The following DHRSX variants were observed in gnomAD, a reference collection of about 807,000 sequenced individuals.
DHRSX encodes dehydrogenase/reductase X-linked, also known as polyprenol dehydrogenase.
In DHRSX, 31 loss-of-function variants were observed where a neutral mutation model predicts 34.0. The observed-to-expected ratio is 0.91, with a 90% confidence interval of 0.69 to 1.23. The LOEUF is 1.23. DHRSX is among the 50% of genes most tolerant of loss of function. The pLI, the probability that DHRSX is intolerant of heterozygous loss-of-function variation, is 0.00. For synonymous variants in DHRSX, 201 were observed against 183.8 expected (o/e 1.09, Z -0.76); for missense variants, 414 against 428.1 (o/e 0.97, Z 0.29).
chrX:2,231,866 C>G (rs1053220619), intron 6 of DHRSX, among the ~76,000 whole-genome samples: 1 of 149,316 alleles, frequency 6.7e-6, no homozygotes, highest in African/African-American at 2.5e-5. Flanking sequence ...TCTTCCTCCT[C>G]CATCTTCTCC....
At chrX:2,325,848 C>CTT (rs2042379773) in intron 3 of DHRSX, among the ~76,000 whole-genome samples, 2 of 28,292 alleles carry the variant, frequency 7.1e-5, no homozygotes, top group African/African-American at 8.3e-4. Context: ...AAAACCATTT[C>CTT]TCTTTCTCTT....
chrX:2,413,301 A>C (rs1569498534), intron 2 of DHRSX, among the ~76,000 whole-genome samples: 2 of 152,044 alleles, frequency 1.3e-5, no homozygotes, highest in African/African-American at 2.4e-5. Context: ...GTTTGACAGA[A>C]GGTATAAGTT....
intron 3 of DHRSX, among the ~76,000 whole-genome samples, chrX:2,302,004 A>G (rs2042017060): frequency 6.6e-6 from 1 of 152,098 alleles, no homozygotes; most frequent in Non-Finnish European, 1.5e-5. Context: ...AGAGGTGGAC[A>G]TGGCTCCGAT....
At chrX:2,445,753 T>C (rs2044123516) in intron 1 of DHRSX, among the ~76,000 whole-genome samples, 1 of 151,578 alleles carries the variant, frequency 6.6e-6, no homozygotes, top group African/African-American at 2.4e-5. Flanking sequence ...GTGTACACAC[T>C]GAAAACATTC....
chrX:2,257,488 C>T (rs1321716572), intron 5 of DHRSX, among the ~76,000 whole-genome samples: 11 of 152,156 alleles, frequency 7.2e-5, no homozygotes, highest in Admixed American at 5.2e-4. Flanking sequence ...ATACAGAAGA[C>T]GCCGGCTGAG....
chrX:2,324,542 T>C (rs1344881593), intron 3 of DHRSX, among the ~76,000 whole-genome samples: 3 of 152,124 alleles, frequency 2.0e-5, no homozygotes, highest in Non-Finnish European at 4.4e-5. Flanking sequence ...TCCATAACAC[T>C]GGATAGGACA....
intron 3 of DHRSX, among the ~76,000 whole-genome samples, chrX:2,311,268 T>C (rs1477108400): frequency 6.6e-6 from 1 of 151,280 alleles, no homozygotes; most frequent in Non-Finnish European, 1.5e-5. Flanking sequence ...AAGAGAGAGA[T>C]GGGGAGAGAG....
intron 3 of DHRSX, among the ~76,000 whole-genome samples, chrX:2,315,876 C>G (rs1353993846): frequency 5.3e-5 from 8 of 152,010 alleles, no homozygotes; most frequent in African/African-American, 1.9e-4. Flanking sequence ...TCTCTCTTTT[C>G]TTTGAGACAG....
At chrX:2,232,023 T>C (rs865930336) in intron 6 of DHRSX, among the ~76,000 whole-genome samples, 15 of 36,430 alleles carry the variant, frequency 4.1e-4, no homozygotes, top group African/African-American at 7.1e-4. Context: ...TTCTCCTCCT[T>C]CTTCCTTCTC....
chrX:2,392,276 C>A (rs28562204), intron 3 of DHRSX: 32,994 of 155,750 alleles, frequency 0.21, 4,556 homozygotes, highest in Non-Finnish European at 0.31. Context: ...TTTATGAAAC[C>A]TCTGCTTTTA....
At chrX:2,468,266 G>C (rs6641785) in intron 1 of DHRSX, among the ~76,000 whole-genome samples, 15,682 of 152,094 alleles carry the variant, frequency 0.1, 1,049 homozygotes, top group South Asian at 0.26. Flanking sequence ...TGGTAGCAAG[G>C]GTGTAGGGGA....
chrX:2,290,966 C>T (rs1271392518), intron 4 of DHRSX, among the ~76,000 whole-genome samples: 2 of 152,042 alleles, frequency 1.3e-5, no homozygotes, highest in Non-Finnish European at 2.9e-5. Context: ...CAACAGTAAG[C>T]GTTGCAATGA....
At chrX:2,303,869 G>GGA (rs2042051748) in intron 3 of DHRSX, among the ~76,000 whole-genome samples, 1 of 108,272 alleles carries the variant, frequency 9.2e-6, no homozygotes, top group Admixed American at 9.2e-5. Context: ...GGGTGGATGG[G>GGA]TGGATGGGTG....
At chrX:2,276,733 CAG>C (rs113463536) in intron 4 of DHRSX, among the ~76,000 whole-genome samples, 25 of 146,012 alleles carry the variant, frequency 1.7e-4, no homozygotes, top group South Asian at 2.2e-4. Flanking sequence ...AAAGGGCAAT[CAG>C]AGAGAGAGAG....
At chrX:2,379,562 A>G (rs1407833159) in intron 3 of DHRSX, among the ~76,000 whole-genome samples, 2 of 151,904 alleles carry the variant, frequency 1.3e-5, no homozygotes, top group Admixed American at 6.6e-5. Flanking sequence ...ATTTCTAGGA[A>G]GAAAATGAGC....
At chrX:2,484,871 C>G (rs1199895225) in intron 1 of DHRSX, among the ~76,000 whole-genome samples, 1 of 144,192 alleles carries the variant, frequency 6.9e-6, no homozygotes, top group East Asian at 2.1e-4. Flanking sequence ...TCTGCACTCA[C>G]GAGCAAATGA....
At chrX:2,387,217 A>C (rs2043282457) in intron 3 of DHRSX, among the ~76,000 whole-genome samples, 1 of 152,164 alleles carries the variant, frequency 6.6e-6, no homozygotes, top group South Asian at 2.1e-4. Context: ...CTGCAAACTT[A>C]ATAAAATTAA....
At chrX:2,319,866 T>A (rs1378832714) in intron 3 of DHRSX, among the ~76,000 whole-genome samples, 22 of 152,200 alleles carry the variant, frequency 1.4e-4, no homozygotes, top group South Asian at 1.2e-3. Flanking sequence ...TTCCCTCTTG[T>A]TGCCCAGGCT....
intron 5 of DHRSX, among the ~76,000 whole-genome samples, chrX:2,244,763 G>A (rs1056143491): frequency 2.6e-5 from 4 of 151,930 alleles, no homozygotes. Context: ...CCCAGCTGGA[G>A]TACAGTGGCG....
Sources: gnomAD v4.1 joint callset for allele counts (sites outside exome capture counted in the v4.1 genomes callset) on GRCh38, gnomAD v4.1.1 for gene constraint, MANE v1.5 for transcripts, NCBI Gene and HGNC (gene_info 2026-07-23, HGNC 2026-07-21) for gene names.